Variants in SGSM1 observed in about 807,000 individuals in gnomAD.
SGSM1 encodes small G protein signaling modulator 1.
SGSM1 carries 73 observed loss-of-function variants against 133.8 expected under a neutral mutation model. That is an observed-to-expected ratio of 0.55 (90% CI 0.45 to 0.66). The LOEUF (loss-of-function observed/expected upper bound fraction) is 0.66, where lower values mean the gene tolerates loss of function less well. SGSM1 is among the 30% of genes least tolerant of loss of function. The probability of loss-of-function intolerance (pLI) is 0.00; values close to 1 mark genes in which losing one functional copy is unlikely to be tolerated. For synonymous variants in SGSM1, 563 were observed against 573.0 expected (o/e 0.98, Z 0.25); for missense variants, 1,213 against 1,448.1 (o/e 0.84, Z 2.64).
intron 16 of SGSM1, among the ~76,000 whole-genome samples, chr22:24,888,810 G>T (rs1932749695): frequency 6.6e-6 from 1 of 151,912 alleles, no homozygotes; most frequent in South Asian, 2.1e-4. Flanking sequence ...AAAGACAGTT[G>T]GGAACATACT....
chr22:24,924,010 C>A (rs1321347815), intron 24 of SGSM1, among the ~76,000 whole-genome samples, 176 bp from the exon 25 acceptor site: 1 of 152,168 alleles, frequency 6.6e-6, no homozygotes, highest in East Asian at 1.9e-4. Flanking sequence ...CTGTTCCAAT[C>A]CCCATTTTAC....
intron 2 of SGSM1, among the ~76,000 whole-genome samples, chr22:24,829,253 G>A (rs1928974292): frequency 6.6e-6 from 1 of 152,012 alleles, no homozygotes; most frequent in South Asian, 2.1e-4. Context: ...GGAGATGGAG[G>A]CCATTATCCT....
At chr22:24,862,623 G>A (rs1415484480) in intron 9 of SGSM1, among the ~76,000 whole-genome samples, 1 of 152,170 alleles carries the variant, frequency 6.6e-6, no homozygotes, top group Non-Finnish European at 1.5e-5. Context: ...TGTTTACTGA[G>A]CCCCTACTCT....
rs534010178 is a variant in SGSM1, at chr22:24,881,591, C to CA, written c.1495+2073dup. On this transcript the variant is annotated intron_variant, in intron 14 of 24. Coordinates refer to ENST00000400358, the MANE Select transcript of SGSM1 (RefSeq NM_001098497.3). ...AAAAACAAAACAAAACAAAACAAAA[C>CA]AAAAAAAACCAGCAACAACAACAAA... is the stretch of plus-strand genomic sequence containing the variant. Among the ~76,000 whole-genome samples, 16 of 150,056 alleles carry CA rather than the reference C, an allele frequency of 1.1e-4. No homozygotes were observed. In the East Asian group the frequency reaches 1.7e-3, roughly 16 times the overall value.
At chr22:24,821,916 C>T (rs1928494538) in intron 2 of SGSM1, among the ~76,000 whole-genome samples, 1 of 152,012 alleles carries the variant, frequency 6.6e-6, no homozygotes, top group South Asian at 2.1e-4. Flanking sequence ...AATGAACCCA[C>T]ATGGACGATT....
At chr22:24,814,953 G>A (rs1294134878) in intron 2 of SGSM1, among the ~76,000 whole-genome samples, 1 of 152,210 alleles carries the variant, frequency 6.6e-6, no homozygotes, top group Non-Finnish European at 1.5e-5. Context: ...CAGTCCCTCA[G>A]CCTAAGGAGC....
At chr22:24,875,835 G>A (rs1237122926) in intron 12 of SGSM1, among the ~76,000 whole-genome samples, 2 of 152,172 alleles carry the variant, frequency 1.3e-5, no homozygotes, top group Non-Finnish European at 2.9e-5. Flanking sequence ...GAAGCTATGA[G>A]TGCTGTATCC....
chr22:24,907,089 G>A (rs1270450351), intron 21 of SGSM1, among the ~76,000 whole-genome samples: 2 of 151,326 alleles, frequency 1.3e-5, no homozygotes, highest in African/African-American at 2.4e-5. Context: ...GTGAAACCCT[G>A]TCTCTACTAA....
In SGSM1 at chr22:24,855,687, G is replaced by A. The variant is rs749907529; in HGVS notation, c.801+7G>A. The A allele has an allele frequency of 1.9e-6, 3 of 1,613,950 alleles. No individual in the cohort carries two copies. The highest frequency in any genetic ancestry group is 2.5e-6 in the Non-Finnish European group (3 of 1,179,890). ...CAACGTTCTTGTTCAGCCGGTGAGA[G>A]GTTATCTTGGGCCTAGATCTTGCAC... On this transcript the variant is annotated splice_region_variant and intron_variant, in intron 8 of 24. Coordinates refer to ENST00000400358, the MANE Select transcript of SGSM1 (RefSeq NM_001098497.3).
At chr22:24,890,004 T>G in intron 16 of SGSM1, among the ~76,000 whole-genome samples, 1 of 146,772 alleles carries the variant, frequency 6.8e-6, no homozygotes. Flanking sequence ...TCGCCCAGGC[T>G]GGAGTGCAGT....
In SGSM1 at chr22:24,898,315, A is replaced by G; in HGVS notation, c.2366A>G (p.Asn789Ser). ...QDSLESDLLANESMDEFMSIT... is the reference protein window; with the variant it reads ...QDSLESDLLASESMDEFMSIT... ...AGCCTGGAGAGTGACCTCCTGGCCA[A>G]CGAGAGCATGGACGAGTTCATGTCC... Residue 789 changes from asparagine to serine, a missense_variant, in exon 19 of 25, where the codon AAC (asparagine) becomes AGC (serine). Physicochemically the swap from Asn to Ser is conservative, Grantham distance 46. Transcript: ENST00000400358. 1.2e-6 allele frequency: 2 copies of G among 1,613,978 alleles called. No homozygotes were observed. The highest frequency in any genetic ancestry group is 1.7e-6 in the Non-Finnish European group (2 of 1,179,878).
At chr22:24,839,310 T>C (rs1929655204) in intron 2 of SGSM1, among the ~76,000 whole-genome samples, 1 of 152,224 alleles carries the variant, frequency 6.6e-6, no homozygotes. Context: ...GTGATCCTTT[T>C]GCCTCAGCCT....
In SGSM1 at chr22:24,883,902, G is replaced by C. The variant is rs1021407675; in HGVS notation, c.1496-151G>C. ...GCCTGGGAGGTTGAGGCTGCAGTGA[G>C]CCATGATAATAATAAATAATAGAGC... On this transcript the variant is annotated intron_variant, in intron 14 of 24. Transcript: ENST00000400358. 1.5e-5 allele frequency: 14 copies of C among 921,214 alleles called. No individual in the cohort carries two copies. In the African/African-American group the frequency reaches 2.4e-4, roughly 15 times the overall value. 57.1% of individuals were successfully genotyped at this position (921,214 alleles called of 1,614,324 possible).
rs1160367557 is a variant in SGSM1 at position 24,868,491 on chromosome 22, G to C, written c.1110G>C (p.Leu370=). The C allele has an allele frequency of 4.3e-6, 7 of 1,613,442 alleles. 1 individual carries two copies. In the South Asian group the frequency reaches 6.6e-5, roughly 15 times the overall value. ...TCCTCTCGTGCCTGGAGAATGGGCT[G>C]CTCCCACATGGGCAGTTGGACCCGC... The part of the protein sequence containing the change: ...LQFLSCLENG[L]LPHGQLDPPL... Residue 370 remains leucine (L), a synonymous_variant, in exon 11 of 25, where the codon CTG becomes CTC. Coordinates refer to ENST00000400358, the MANE Select transcript of SGSM1 (RefSeq NM_001098497.3).
chr22:24,817,659 C>T (rs1411968072), intron 2 of SGSM1, among the ~76,000 whole-genome samples: 2 of 152,004 alleles, frequency 1.3e-5, no homozygotes, highest in Non-Finnish European at 2.9e-5. Flanking sequence ...CCATGAGTAT[C>T]CTCAGCTTTC....
At chr22:24,877,802 CTTTTTTTT>C (rs36036968) in intron 13 of SGSM1, among the ~76,000 whole-genome samples, 4 of 75,448 alleles carry the variant, frequency 5.3e-5, no homozygotes, top group African/African-American at 1.6e-4. Flanking sequence ...TTCTTTCTTT[CTTTTTTTT>C]TTTTTTTTTT....
chr22:24,844,798 A>G (rs1288965594), intron 2 of SGSM1, 99 bp from the exon 3 acceptor site: 2 of 1,041,642 alleles, frequency 1.9e-6, no homozygotes, highest in Non-Finnish European at 2.8e-6. Flanking sequence ...ACAGCCTGAA[A>G]GGCCTTGTGG....
rs750497804 is a variant in SGSM1, at chr22:24,806,407, G to C, written c.20-34G>C. The C allele has an allele frequency of 4.6e-6, 7 of 1,521,512 alleles. No homozygotes were observed. The South Asian group carries it at 8.6e-5, about 19-fold the overall frequency. The allele number at this position is 1,521,512 out of a possible 1,614,324, so 94.3% of individuals were successfully genotyped here. On this transcript the variant is annotated intron_variant, in intron 1 of 24. Coordinates refer to ENST00000400358, the MANE Select transcript of SGSM1 (RefSeq NM_001098497.3). Reference sequence around the variant, plus strand: ...GCGCCCGGCCCCCGCACCCTCTCTCGGCTGACCCGCGGCTCTCGTTTCTTG... The same window carrying C: ...GCGCCCGGCCCCCGCACCCTCTCTCCGCTGACCCGCGGCTCTCGTTTCTTG...
At position 24,854,976 on chromosome 22, in the gene SGSM1, A is replaced by G; in HGVS notation, c.456-20A>G. On this transcript the variant is annotated intron_variant, in intron 5 of 24. Transcript: ENST00000400358. ...TCTGCTGGTCTCCATCCAAACCTGCATATTCTCTCCTCTTGCTAGTAAATA... is the reference window on the plus strand; with the variant it reads ...TCTGCTGGTCTCCATCCAAACCTGCGTATTCTCTCCTCTTGCTAGTAAATA... 4 of 1,609,178 alleles carry G rather than the reference A, an allele frequency of 2.5e-6. No individual in the cohort carries two copies. Among genetic ancestry groups the G allele is most frequent in the Non-Finnish European group, 3.4e-6 (4 of 1,176,680 alleles).
Sources: gnomAD v4.1 joint callset for allele counts (sites outside exome capture counted in the v4.1 genomes callset) on GRCh38, gnomAD v4.1.1 for gene constraint, MANE v1.5 for transcripts, NCBI Gene and HGNC (gene_info 2026-07-23, HGNC 2026-07-21) for gene names.